SGCZ: variants seen among roughly 807,000 people sequenced by gnomAD.
SGCZ encodes sarcoglycan zeta, also known as zeta-sarcoglycan.
In SGCZ, 40 loss-of-function variants were observed where a neutral mutation model predicts 41.3. The ratio of observed to expected loss-of-function variants is 0.97; its 90% CI spans 0.75 to 1.26. The LOEUF (loss-of-function observed/expected upper bound fraction) is 1.26. Ranked by LOEUF, SGCZ falls within the 50% of genes most tolerant of loss-of-function variation. SGCZ has a pLI of 0.00. For missense variants in SGCZ, 552 were observed against 369.8 expected (o/e 1.49, Z -4.04); for synonymous variants, 206 against 137.5 (o/e 1.50, Z -3.49).
At chr8:14,694,111 T>C in intron 1 of SGCZ, among the ~76,000 whole-genome samples, 1 of 152,170 alleles carries the variant, frequency 6.6e-6, no homozygotes, top group East Asian at 1.9e-4. Context: ...TTAAAATTGA[T>C]TGAATATAAT....
intron 2 of SGCZ, among the ~76,000 whole-genome samples, chr8:14,548,804 A>G (rs1323105941): frequency 1.3e-5 from 2 of 152,146 alleles, no homozygotes; most frequent in African/African-American, 4.8e-5. Flanking sequence ...CCTGCATATG[A>G]GACCAAATTG....
intron 2 of SGCZ, among the ~76,000 whole-genome samples, chr8:14,398,598 G>A (rs1798985133): frequency 6.6e-6 from 1 of 151,930 alleles, no homozygotes; most frequent in African/African-American, 2.4e-5. Context: ...CTTGGGGAGT[G>A]CTCTGGGAGA....
intron 1 of SGCZ, among the ~76,000 whole-genome samples, chr8:14,792,362 T>C (rs17120283): frequency 0.037 from 5,617 of 152,220 alleles, 345 homozygotes; most frequent in African/African-American, 0.13. Flanking sequence ...GTTAACTCTT[T>C]ATCAAGTCCC....
At chr8:14,901,317 T>G (rs986914279) in intron 1 of SGCZ, among the ~76,000 whole-genome samples, 1 of 152,170 alleles carries the variant, frequency 6.6e-6, no homozygotes, top group East Asian at 1.9e-4. Flanking sequence ...CAGAAAGGCA[T>G]CTGTCCATTA....
chr8:14,275,743 CA>C (rs1258875079), intron 3 of SGCZ, among the ~76,000 whole-genome samples: 6 of 152,130 alleles, frequency 3.9e-5, no homozygotes, highest in African/African-American at 1.4e-4. Context: ...CCCTACCGTG[CA>C]GGATCTTTTG....
In SGCZ at chr8:15,050,905, T is replaced by A. The variant is rs114674154; in HGVS notation, c.39+186680A>T. ...TATTGGAATTCTGCACCACAACATT[T>A]TCTTTTTTCACCTCCTCATTATATG... On this transcript the variant is annotated intron_variant, in intron 1 of 7. Coordinates refer to ENST00000382080, the MANE Select transcript of SGCZ (RefSeq NM_139167.4). Among the ~76,000 whole-genome samples, 725 of 152,312 alleles carry A rather than the reference T, an allele frequency of 4.8e-3. 4 individuals carry two copies. Among genetic ancestry groups the A allele is most frequent in the African/African-American group, 0.017 (689 of 41,570 alleles).
intron 1 of SGCZ, among the ~76,000 whole-genome samples, chr8:14,824,823 A>G (rs1445074579): frequency 2.0e-5 from 3 of 152,142 alleles, no homozygotes; most frequent in African/African-American, 7.2e-5. Context: ...CTTCTTCTCT[A>G]TTGATCTACT....
At chr8:14,755,517 T>C (rs565435134) in intron 1 of SGCZ, among the ~76,000 whole-genome samples, 3 of 152,318 alleles carry the variant, frequency 2.0e-5, no homozygotes, top group Non-Finnish European at 2.9e-5. Flanking sequence ...TCTATGATAG[T>C]CTTCTTTTAA....
At position 14,800,191 on chromosome 8, in the gene SGCZ, G is replaced by A. The variant is rs539718872; in HGVS notation, c.40-245265C>T. Among the ~76,000 whole-genome samples, 40 of 151,992 alleles carry A rather than the reference G, an allele frequency of 2.6e-4. 1 individual carries two copies. The South Asian group carries it at 6.0e-3, about 23-fold the overall frequency. On this transcript the variant is annotated intron_variant, in intron 1 of 7. Transcript: ENST00000382080. ...CATGGCACACTATAAATGTTACCTG[G>A]TCATTTGGAAATATGTGATCCTAAC...
intron 1 of SGCZ, among the ~76,000 whole-genome samples, chr8:14,707,605 A>C (rs966641924): frequency 6.6e-6 from 1 of 152,152 alleles, no homozygotes; most frequent in African/African-American, 2.4e-5. Context: ...CTTCAGAATG[A>C]GTACAACAAA....
At chr8:15,036,962 A>G (rs1205309827) in intron 1 of SGCZ, among the ~76,000 whole-genome samples, 2 of 152,200 alleles carry the variant, frequency 1.3e-5, no homozygotes, top group Non-Finnish European at 2.9e-5. Context: ...AAATATAATC[A>G]AACACATTAG....
At chr8:14,453,256 TG>T in intron 2 of SGCZ, among the ~76,000 whole-genome samples, 1 of 152,172 alleles carries the variant, frequency 6.6e-6, no homozygotes, top group Non-Finnish European at 1.5e-5. Flanking sequence ...GAGCAGCCTA[TG>T]TCTGAAGCTC....
intron 1 of SGCZ, among the ~76,000 whole-genome samples, chr8:14,952,146 A>G (rs1486808494): frequency 6.6e-6 from 1 of 152,122 alleles, no homozygotes; most frequent in African/African-American, 2.4e-5. Flanking sequence ...AAACTAACAC[A>G]CTAAAATATA....
At chr8:15,167,694 G>T (rs1227357071) in intron 1 of SGCZ, among the ~76,000 whole-genome samples, 1 of 149,274 alleles carries the variant, frequency 6.7e-6, no homozygotes, top group African/African-American at 2.5e-5. Flanking sequence ...AAAAAATACG[G>T]TCTAGAGAGA....
intron 5 of SGCZ, among the ~76,000 whole-genome samples, chr8:14,159,140 A>G (rs1191577840): frequency 6.6e-6 from 1 of 152,074 alleles, no homozygotes; most frequent in Non-Finnish European, 1.5e-5. Flanking sequence ...AGGATAAATT[A>G]TGAGATTTTG....
chr8:15,016,608 G>C (rs1251728390), intron 1 of SGCZ, among the ~76,000 whole-genome samples: 1 of 152,182 alleles, frequency 6.6e-6, no homozygotes, highest in East Asian at 1.9e-4. Flanking sequence ...ACTAGGTTAA[G>C]AGCATAGTGC....
chr8:14,758,848 A>C (rs2130346476), intron 1 of SGCZ, among the ~76,000 whole-genome samples: 1 of 152,154 alleles, frequency 6.6e-6, no homozygotes, highest in Admixed American at 6.5e-5. Context: ...GTCTCTACTA[A>C]AAATACAAAA....
chr8:14,718,625 G>A (rs1809775936), intron 1 of SGCZ, among the ~76,000 whole-genome samples: 1 of 146,924 alleles, frequency 6.8e-6, no homozygotes, highest in African/African-American at 2.5e-5. Context: ...TAGAACTTTA[G>A]GAAATTATAT....
At chr8:14,311,946 A>G (rs1020564699) in intron 3 of SGCZ, among the ~76,000 whole-genome samples, 1 of 152,178 alleles carries the variant, frequency 6.6e-6, no homozygotes, top group African/African-American at 2.4e-5. Flanking sequence ...TCTTTGGAAT[A>G]AACAAAGTGT....
Sources: allele counts gnomAD v4.1 joint callset (sites outside exome capture counted in the v4.1 genomes callset), GRCh38; gene constraint gnomAD v4.1.1; transcripts MANE v1.5; gene names NCBI Gene and HGNC (gene_info 2026-07-23, HGNC 2026-07-21).